The following CNTN4 variants were observed in gnomAD, a reference collection of about 807,000 sequenced individuals.
CNTN4 encodes the protein contactin 4, also known as contactin-4.
A neutral mutation model predicts 122.5 loss-of-function variants in CNTN4; 77 were observed. That is an observed-to-expected ratio of 0.63 (90% CI 0.52 to 0.76). The LOEUF (loss-of-function observed/expected upper bound fraction) is 0.76. Among genes scored for constraint, CNTN4 ranks in the 30% least tolerant of loss-of-function variants. The pLI, the probability that CNTN4 is intolerant of heterozygous loss-of-function variation, is 0.00. For missense variants in CNTN4, 1,256 were observed against 1,259.1 expected (o/e 1.00, Z 0.04); for synonymous variants, 512 against 447.0 (o/e 1.15, Z -1.83).
chr3:2,707,398 A>C (rs1469775549), intron 4 of CNTN4, among the ~76,000 whole-genome samples: 2 of 152,154 alleles, frequency 1.3e-5, no homozygotes, highest in Admixed American at 6.5e-5. Flanking sequence ...AGGAATTTAA[A>C]TTCAAAAATC....
chr3:2,511,547 C>T (rs1575808609), intron 3 of CNTN4: 1 of 152,258 alleles, frequency 6.6e-6, no homozygotes, highest in Non-Finnish European at 1.5e-5. Flanking sequence ...GAATATGGTC[C>T]CATTATCTCC....
At chr3:2,950,112 C>T (rs187242149) in intron 13 of CNTN4, among the ~76,000 whole-genome samples, 104 of 152,306 alleles carry the variant, frequency 6.8e-4, no homozygotes, top group African/African-American at 1.9e-3. Context: ...ATGGAGTTGT[C>T]GAACATGTGG....
At chr3:2,115,532 T>C (rs1373481656) in intron 2 of CNTN4, among the ~76,000 whole-genome samples, 1 of 152,234 alleles carries the variant, frequency 6.6e-6, no homozygotes, top group Non-Finnish European at 1.5e-5. Flanking sequence ...TCAGGGTGCC[T>C]CTTGAGGCCT....
At chr3:2,401,690 A>G (rs1353929536) in intron 3 of CNTN4, among the ~76,000 whole-genome samples, 1 of 152,128 alleles carries the variant, frequency 6.6e-6, no homozygotes, top group African/African-American at 2.4e-5. Context: ...AACAGTGCAC[A>G]TGGTTTGAAG....
chr3:2,775,568 C>T (rs930349552), intron 6 of CNTN4, among the ~76,000 whole-genome samples: 2 of 152,068 alleles, frequency 1.3e-5, no homozygotes, highest in Admixed American at 6.6e-5. Context: ...TACAAGTGCG[C>T]ACCACCACAG....
chr3:3,026,383 A>T, intron 15 of CNTN4, 106 bp downstream of exon 15: 1 of 974,858 alleles, frequency 1.0e-6, no homozygotes, highest in African/African-American at 1.6e-5. Context: ...TCTTATGGCA[A>T]GAAACTCTTG....
chr3:2,427,722 T>C (rs1456122603), intron 3 of CNTN4, among the ~76,000 whole-genome samples: 5 of 151,820 alleles, frequency 3.3e-5, no homozygotes, highest in Admixed American at 6.6e-5. Flanking sequence ...TCTTTGTAGG[T>C]CTTTAAGGAC....
intron 10 of CNTN4, among the ~76,000 whole-genome samples, chr3:2,890,654 G>T (rs1250063616): frequency 6.6e-6 from 1 of 152,126 alleles, no homozygotes; most frequent in South Asian, 2.1e-4. Flanking sequence ...AAGCCTACTA[G>T]GCATGATGAT....
chr3:2,156,363 A>G (rs57594411), intron 2 of CNTN4, among the ~76,000 whole-genome samples: 1 of 151,878 alleles, frequency 6.6e-6, no homozygotes, highest in Admixed American at 6.5e-5. Context: ...GGGTCTGTGC[A>G]TAAACCTGTA....
At chr3:2,180,670 A>T (rs553686722) in intron 2 of CNTN4, among the ~76,000 whole-genome samples, 1 of 152,176 alleles carries the variant, frequency 6.6e-6, no homozygotes, top group South Asian at 2.1e-4. Flanking sequence ...CAGCAAACTT[A>T]TCTCAAGTAT....
chr3:3,052,506 C>T (rs368582025), intron 23 of CNTN4, among the ~76,000 whole-genome samples: 17 of 152,260 alleles, frequency 1.1e-4, no homozygotes, highest in African/African-American at 3.9e-4. Context: ...CCACTGACCT[C>T]ATCCAACCCT....
intron 3 of CNTN4, among the ~76,000 whole-genome samples, chr3:2,512,442 T>C (rs2076915102): frequency 1.3e-5 from 2 of 152,204 alleles, no homozygotes; most frequent in Admixed American, 6.5e-5. Context: ...TTAATATTTA[T>C]TATTCATGCA....
chr3:2,977,758 A>C (rs1242003504), intron 13 of CNTN4, among the ~76,000 whole-genome samples: 4 of 152,156 alleles, frequency 2.6e-5, no homozygotes, highest in Non-Finnish European at 5.9e-5. Flanking sequence ...TCCCTATAAA[A>C]ATCATATTCA....
chr3:2,972,800 TCTC>T lies in CNTN4; in HGVS notation c.1359-15542_1359-15540del, dbSNP rs1693058411. On this transcript the variant is annotated intron_variant, in intron 13 of 24. Coordinates refer to ENST00000418658, the MANE Select transcript of CNTN4 (RefSeq NM_175607.3). The stretch of plus-strand genomic sequence containing the variant: ...GTAGGTCAGGTTCACAATGAGCTGT[TCTC>T]CTTAAACCCCTCCCCTTCATATCCT... Among the ~76,000 whole-genome samples the T allele has an allele frequency of 2.0e-5, 3 of 152,264 alleles. No individual in the cohort carries two copies. In the South Asian group the frequency reaches 6.2e-4, roughly 32 times the overall value.
intron 3 of CNTN4, among the ~76,000 whole-genome samples, chr3:2,514,908 C>G (rs745661565): frequency 2.0e-5 from 3 of 150,904 alleles, no homozygotes; most frequent in Non-Finnish European, 4.4e-5. Flanking sequence ...CCTTTTTCTT[C>G]CTTCCCTTCC....
chr3:2,565,844 G>A (rs760947057), intron 3 of CNTN4, among the ~76,000 whole-genome samples: 9 of 152,122 alleles, frequency 5.9e-5, no homozygotes, highest in Non-Finnish European at 2.9e-5. Flanking sequence ...TAATTGTAGA[G>A]TTAGGAAACT....
At chr3:2,526,891 C>A (rs2077416390) in intron 3 of CNTN4, among the ~76,000 whole-genome samples, 1 of 152,124 alleles carries the variant, frequency 6.6e-6, no homozygotes, top group Non-Finnish European at 1.5e-5. Flanking sequence ...GCAATGAGAA[C>A]CATCCTTGAT....
chr3:2,899,875 TGATA>T (rs2094154440), intron 10 of CNTN4, among the ~76,000 whole-genome samples: 1 of 152,136 alleles, frequency 6.6e-6, no homozygotes, highest in African/African-American at 2.4e-5. Context: ...TAAACAATGA[TGATA>T]GTCTTAAAGG....
intron 3 of CNTN4, among the ~76,000 whole-genome samples, chr3:2,439,546 T>C (rs901830341): frequency 6.6e-6 from 1 of 152,082 alleles, no homozygotes; most frequent in South Asian, 2.1e-4. Context: ...TAAGGAGATA[T>C]GAAGATATGA....
Sources: allele counts gnomAD v4.1 joint callset (sites outside exome capture counted in the v4.1 genomes callset), GRCh38; gene constraint gnomAD v4.1.1; transcripts MANE v1.5; gene names NCBI Gene and HGNC (gene_info 2026-07-23, HGNC 2026-07-21).